LMO2: variants seen among roughly 807,000 people sequenced by gnomAD.
LMO2 encodes rhombotin-2.
LMO2 carries 20 observed loss-of-function variants against 23.2 expected under a neutral mutation model. The ratio of observed to expected loss-of-function variants is 0.86; its 90% CI spans 0.61 to 1.25. LMO2 has a LOEUF of 1.25. LMO2 is among the 50% of genes most tolerant of loss of function. LMO2 has a pLI of 0.00. For synonymous variants in LMO2, 123 were observed against 130.2 expected (o/e 0.94, Z 0.38); for missense variants, 270 against 315.3 (o/e 0.86, Z 1.09).
Position 33,880,228 on chromosome 11 carries a change from GAT to G in LMO2, c.-272+1594_-272+1595del, listed in dbSNP as rs767893617. Among the ~76,000 whole-genome samples, 125 of 138,870 alleles carry G rather than the reference GAT, an allele frequency of 9.0e-4. No individual in the cohort carries two copies. The highest frequency in any genetic ancestry group is 4.0e-3 in the Middle Eastern group (1 of 248). The allele number at this position is 138,870 out of a possible 152,430, so 91.1% of individuals were successfully genotyped here. ...TGATATATATATCATATATACACAT[GAT>G]ATATATATCATATATACACATGATA... On this transcript the variant is annotated intron_variant, in intron 2 of 5. Coordinates refer to ENST00000257818, the MANE Select transcript of LMO2 (RefSeq NM_005574.4). The surrounding 1 kb of genome is among the most constrained non-coding windows in gnomAD (Gnocchi z 4.3).
intron 1 of LMO2, among the ~76,000 whole-genome samples, chr11:33,886,589 A>C (rs1191526610): frequency 6.6e-6 from 1 of 152,238 alleles, no homozygotes; most frequent in Non-Finnish European, 1.5e-5. Context: ...TAAAGGTTTC[A>C]CAATAACATT....
At chr11:33,888,921 G>A (rs1857477677) in intron 1 of LMO2, among the ~76,000 whole-genome samples, 1 of 152,228 alleles carries the variant, frequency 6.6e-6, no homozygotes, top group South Asian at 2.1e-4. Flanking sequence ...GGAAAACTGA[G>A]GCTCAGGAAG....
chr11:33,880,806 G>A lies in LMO2; in HGVS notation c.-272+1018C>T. 1 of 208,586 alleles carries A rather than the reference G, an allele frequency of 4.8e-6. No homozygotes were observed. The highest frequency in any genetic ancestry group is 9.8e-6 in the Non-Finnish European group (1 of 101,628). The allele number at this position is 208,586 out of a possible 1,614,324, so 12.9% of individuals were successfully genotyped here. On this transcript the variant is annotated intron_variant, in intron 2 of 5. Coordinates refer to ENST00000257818, the MANE Select transcript of LMO2 (RefSeq NM_005574.4). The surrounding 1 kb of genome is among the most constrained non-coding windows in gnomAD (Gnocchi z 4.3). ...GCTCACGGTCTTCTCAGGTTCATCT[G>A]TGGAACCATTCGACAACCAAATGTT...
intron 2 of LMO2, among the ~76,000 whole-genome samples, chr11:33,873,300 C>A (rs923266710): frequency 2.0e-5 from 3 of 152,154 alleles, no homozygotes; most frequent in Non-Finnish European, 2.9e-5. Context: ...TCTTTCACAA[C>A]TCTTTGGGGA....
At chr11:33,873,257 G>T (rs965137622) in intron 2 of LMO2, among the ~76,000 whole-genome samples, 5 of 152,152 alleles carry the variant, frequency 3.3e-5, no homozygotes. Flanking sequence ...AAGAAAAAGA[G>T]ATTACTGCAT....
intron 4 of LMO2, among the ~76,000 whole-genome samples, chr11:33,865,841 TGGAA>T (rs1393423978): frequency 6.6e-6 from 1 of 152,036 alleles, no homozygotes. Context: ...AATAAAGGAG[TGGAA>T]GGAATTATTC....
At position 33,859,329 on chromosome 11, in the gene LMO2, T is replaced by TC; in HGVS notation, c.*26dup. 6.4e-7 allele frequency: 1 copy of TC among 1,566,438 alleles called. No homozygotes were observed. The highest frequency in any genetic ancestry group is 1.4e-5 in the African/African-American group (1 of 74,062). ...GGAGACGGCGTCTTCAGTGAACACC[T>TC]CCCCAAAGATGCCCGGGGACTCGGG... On this transcript the variant is annotated 3_prime_UTR_variant, in exon 6 of 6. Transcript: ENST00000257818.
At position 33,864,896 on chromosome 11, in the gene LMO2, G is replaced by T; in HGVS notation, c.249-79C>A. ...GAGGGTCCGAGATCGTTTTGGGCCA[G>T]ACAGGGCATCTCACCTGACTGCCTT... On this transcript the variant is annotated intron_variant, in intron 4 of 5. Coordinates refer to ENST00000257818, the MANE Select transcript of LMO2 (RefSeq NM_005574.4). The surrounding 1 kb of genome is among the most constrained non-coding windows in gnomAD (Gnocchi z 4.8). 2 of 1,308,866 alleles carry T rather than the reference G, an allele frequency of 1.5e-6. No homozygotes were observed. Among genetic ancestry groups the T allele is most frequent in the South Asian group, 1.2e-5 (1 of 84,396 alleles). 81.1% of individuals were successfully genotyped at this position (1,308,866 alleles called of 1,614,324 possible).
chr11:33,887,180 T>C (rs1297315411), intron 1 of LMO2, among the ~76,000 whole-genome samples: 1 of 152,226 alleles, frequency 6.6e-6, no homozygotes, highest in Non-Finnish European at 1.5e-5. Context: ...ATAAGAGCAG[T>C]AAGGAAAACT....
chr11:33,888,936 C>T (rs1034003777), intron 1 of LMO2, among the ~76,000 whole-genome samples: 7 of 152,172 alleles, frequency 4.6e-5, no homozygotes, highest in Non-Finnish European at 1.0e-4. Context: ...AGGAAGGGTA[C>T]GCAACTTCTC....
At chr11:33,866,505 A>T (rs1487815264) in intron 4 of LMO2, among the ~76,000 whole-genome samples, 1 of 152,154 alleles carries the variant, frequency 6.6e-6, no homozygotes, top group East Asian at 1.9e-4. Flanking sequence ...GCTTGGTGGC[A>T]TGAGCCAGTA....
At chr11:33,877,727 A>T (rs1215341270) in intron 2 of LMO2, among the ~76,000 whole-genome samples, 1 of 152,066 alleles carries the variant, frequency 6.6e-6, no homozygotes, top group Non-Finnish European at 1.5e-5. Context: ...GGCCTCCCAA[A>T]GTGCTAGGAT....
At chr11:33,875,725 A>C (rs1456643763) in intron 2 of LMO2, among the ~76,000 whole-genome samples, 1 of 152,100 alleles carries the variant, frequency 6.6e-6, no homozygotes, top group African/African-American at 2.4e-5. Flanking sequence ...TTGGGTACCA[A>C]ACCCTGAGCT....
intron 1 of LMO2, among the ~76,000 whole-genome samples, chr11:33,890,853 C>T (rs1857529531): frequency 6.6e-6 from 1 of 152,126 alleles, no homozygotes; most frequent in South Asian, 2.1e-4. Flanking sequence ...CTGAGGCTGC[C>T]ATCTTTCTAA....
intron 2 of LMO2, among the ~76,000 whole-genome samples, chr11:33,870,752 T>C (rs977161074): frequency 5.3e-5 from 8 of 152,110 alleles, no homozygotes; most frequent in Admixed American, 6.5e-5. Context: ...CCAGAGAAAG[T>C]GCTTTTTCAA....
Position 33,880,728 on chromosome 11 carries a change from C to T in LMO2, c.-272+1096G>A, listed in dbSNP as rs1030183193. 6.1e-6 allele frequency: 1 copy of T among 162,918 alleles called. No individual in the cohort carries two copies. The highest frequency in any genetic ancestry group is 1.3e-5 in the Non-Finnish European group (1 of 74,454). 10.1% of individuals were successfully genotyped at this position (162,918 alleles called of 1,614,324 possible). ...AATCTGACAAAAGTTAAAGACCATT[C>T]CCTAGGTGTAGCTCTGTTCCTACAT... On this transcript the variant is annotated intron_variant, in intron 2 of 5. Transcript: ENST00000257818. This position sits in a 1 kb window ranked among gnomAD's most constrained non-coding sequence, Gnocchi z 4.3.
rs149844052 is a variant in LMO2, at chr11:33,878,324, T to A, written c.-272+3500A>T. Among the ~76,000 whole-genome samples, 591 of 152,322 alleles carry A rather than the reference T, an allele frequency of 3.9e-3. 3 individuals are homozygous for A. The highest frequency in any genetic ancestry group is 0.014 in the African/African-American group (562 of 41,572). Reference sequence around the variant, plus strand: ...GCACTGTGTTACTCTTTTCTCTCTATCGGGGATGTCTGCTTTCTCCCTGTT... The same window carrying A: ...GCACTGTGTTACTCTTTTCTCTCTAACGGGGATGTCTGCTTTCTCCCTGTT... On this transcript the variant is annotated intron_variant, in intron 2 of 5. Coordinates refer to ENST00000257818, the MANE Select transcript of LMO2 (RefSeq NM_005574.4).
At chr11:33,869,656 G>C (rs912564105) in intron 3 of LMO2, 54 bp downstream of exon 3, 1 of 1,260,610 alleles carries the variant, frequency 7.9e-7, no homozygotes, top group African/African-American at 1.6e-5. Context: ...GGGGGCCGGG[G>C]CGCGCAGCCT....
Position 33,869,438 on chromosome 11 carries a change from G to T in LMO2, c.156C>A (p.Pro52=). The part of the protein sequence containing the change: ...EGVRAPAAGQ[P]RATKGAPPPP... ...GCGGGGGCGCTCCCTTTGTGGCGCG[G>T]GGCTGGCCGGCTGCCGGGGCTCGGA... is the stretch of plus-strand genomic sequence containing the variant. Residue 52 remains proline, a synonymous_variant, in exon 4 of 6, where the codon CCC becomes CCA. Transcript: ENST00000257818. 8.3e-7 allele frequency: 1 copy of T among 1,199,952 alleles called. No homozygotes were observed. The allele number at this position is 1,199,952 out of a possible 1,614,324, so 74.3% of individuals were successfully genotyped here.
Sources: gnomAD v4.1 joint callset for allele counts (sites outside exome capture counted in the v4.1 genomes callset) on GRCh38, gnomAD v4.1.1 for gene constraint, Gnocchi (gnomAD v3.1) non-coding constraint, MANE v1.5 for transcripts, NCBI Gene and HGNC (gene_info 2026-07-23, HGNC 2026-07-21) for gene names.